Variants in KIF4A observed in about 807,000 individuals in gnomAD.
KIF4A encodes kinesin family member 4A, also known as chromosome-associated kinesin KIF4A.
Under a neutral mutation model 105.9 loss-of-function variants are expected in KIF4A, and 7 were observed. That is an observed-to-expected ratio of 0.07 (90% CI 0.04 to 0.12). The LOEUF is 0.12. Ranked by LOEUF, KIF4A falls within the 10% of genes least tolerant of loss-of-function variation. The pLI is 1.00. For synonymous variants in KIF4A, 281 were observed against 331.3 expected (o/e 0.85, Z 1.65); for missense variants, 558 against 929.2 (o/e 0.60, Z 5.19).
At position 70,395,697 on chromosome X, in the gene KIF4A, T is replaced by C; in HGVS notation, c.2259T>C (p.Val753=). The C allele has an allele frequency of 1.7e-6, 2 of 1,211,036 alleles. No homozygotes were observed. The highest frequency in any genetic ancestry group is 2.2e-6 in the Non-Finnish European group (2 of 895,322). Residue 753 remains valine (V), a synonymous_variant, in exon 21 of 31, where the codon GTT becomes GTC. Coordinates refer to ENST00000374403, the MANE Select transcript of KIF4A (RefSeq NM_012310.5). ...ATTGGCTTGGAAACGAAATTGAGGT[T>C]ATGGTCAGTACTGAGGAAGCCAAAC... ...VKNWLGNEIE[V]MVSTEEAKRH...
chrX:70,317,378 G>A (rs2085873325), intron 7 of KIF4A, among the ~76,000 whole-genome samples: 1 of 110,604 alleles, frequency 9.0e-6, no homozygotes, highest in Non-Finnish European at 1.9e-5. Flanking sequence ...GTTATGTCAT[G>A]TATCTAGTTT....
intron 20 of KIF4A, among the ~76,000 whole-genome samples, chrX:70,395,044 A>C (rs1468763042): frequency 4.5e-5 from 5 of 112,165 alleles, no homozygotes. Flanking sequence ...CCAGCAGTTC[A>C]AGACCAGCCT....
At chrX:70,324,410 G>T (rs1240877417) in intron 7 of KIF4A, among the ~76,000 whole-genome samples, 1 of 112,033 alleles carries the variant, frequency 8.9e-6, no homozygotes, top group Non-Finnish European at 1.9e-5. Context: ...CTGTTGTCTG[G>T]CTAGAAGAAT....
chrX:70,298,249 T>C (rs889964678), intron 4 of KIF4A, among the ~76,000 whole-genome samples: 2 of 110,958 alleles, frequency 1.8e-5, no homozygotes, highest in African/African-American at 6.5e-5. Context: ...TTTATTTCTT[T>C]TGAGAAAGAG....
chrX:70,366,142 C>T (rs1380088971), intron 15 of KIF4A, among the ~76,000 whole-genome samples: 3 of 111,417 alleles, frequency 2.7e-5, no homozygotes, highest in African/African-American at 3.3e-5. Flanking sequence ...TCTCTCTTTT[C>T]TTCTTTATTA....
intron 9 of KIF4A, 46 bp downstream of exon 9, chrX:70,330,378 G>A: frequency 9.3e-7 from 1 of 1,073,527 alleles, no homozygotes; most frequent in Non-Finnish European, 1.3e-6. Context: ...AAGTATGTGA[G>A]TGGAATGATA....
intron 20 of KIF4A, among the ~76,000 whole-genome samples, chrX:70,393,824 TC>T (rs1267649668): frequency 0.061 from 456 of 7,500 alleles, 53 homozygotes; most frequent in African/African-American, 0.074. Flanking sequence ...TTTCTTTCTT[TC>T]TTTCTTTCTT....
intron 3 of KIF4A, among the ~76,000 whole-genome samples, chrX:70,291,965 C>G (rs1344181725): frequency 9.0e-6 from 1 of 111,645 alleles, no homozygotes; most frequent in Non-Finnish European, 1.9e-5. Context: ...TATTTTTTCA[C>G]GTTTTTTTGT....
intron 13 of KIF4A, among the ~76,000 whole-genome samples, chrX:70,350,145 G>C (rs1241776312): frequency 9.2e-6 from 1 of 108,992 alleles, no homozygotes; most frequent in Admixed American, 9.9e-5. Context: ...TGGCTGGGAG[G>C]TGGAGGTTGT....
At chrX:70,382,330 C>G (rs760830301) in intron 18 of KIF4A, among the ~76,000 whole-genome samples, 1 of 112,092 alleles carries the variant, frequency 8.9e-6, no homozygotes, top group Admixed American at 9.5e-5. Context: ...ACTCTGGAAG[C>G]TGAGGCAGGA....
chrX:70,369,570 C>A (rs1243366276), intron 15 of KIF4A, among the ~76,000 whole-genome samples: 2 of 111,755 alleles, frequency 1.8e-5, no homozygotes, highest in African/African-American at 6.5e-5. Context: ...ATCCTCATGA[C>A]TCTGTAATTC....
At chrX:70,366,583 G>A (rs2086104488) in intron 15 of KIF4A, among the ~76,000 whole-genome samples, 1 of 112,200 alleles carries the variant, frequency 8.9e-6, no homozygotes, top group Non-Finnish European at 1.9e-5. Context: ...TTAATCCTGA[G>A]TTCTAATTTG....
At chrX:70,371,451 C>T (rs1046033719) in intron 15 of KIF4A, among the ~76,000 whole-genome samples, 6 of 112,128 alleles carry the variant, frequency 5.4e-5, no homozygotes, top group African/African-American at 1.9e-4. Flanking sequence ...TCCACAAAAC[C>T]GCCATTGTCA....
At chrX:70,311,892 T>C (rs907636321) in intron 7 of KIF4A, among the ~76,000 whole-genome samples, 19 of 106,888 alleles carry the variant, frequency 1.8e-4, no homozygotes, top group African/African-American at 5.1e-4. Context: ...AGTTTGAGAC[T>C]GTGGTGAGCT....
intron 4 of KIF4A, among the ~76,000 whole-genome samples, chrX:70,298,845 T>C (rs2085793910): frequency 8.9e-6 from 1 of 112,479 alleles, no homozygotes; most frequent in Non-Finnish European, 1.9e-5. Context: ...TAACTTTTCA[T>C]GTGTCTGCTG....
intron 7 of KIF4A, among the ~76,000 whole-genome samples, chrX:70,303,937 T>TTTA (rs552101158): frequency 0.1 from 10,862 of 104,080 alleles, 576 homozygotes; most frequent in East Asian, 0.23. Context: ...TTTATTTTAT[T>TTTA]TTATTATTAT....
intron 26 of KIF4A, 131 bp downstream of exon 26, chrX:70,406,036 CAT>C: frequency 1.8e-6 from 1 of 545,049 alleles, no homozygotes; most frequent in East Asian, 3.5e-5. Context: ...TTCCATGTGA[CAT>C]ATGCATTTCA....
intron 7 of KIF4A, among the ~76,000 whole-genome samples, chrX:70,302,724 C>CT (rs1325166955): frequency 1.8e-5 from 2 of 111,566 alleles, no homozygotes; most frequent in African/African-American, 6.5e-5. Context: ...ATTCACCATC[C>CT]CTTCCAGATG....
At chrX:70,416,103 A>C (rs2086343022) in intron 28 of KIF4A, among the ~76,000 whole-genome samples, 1 of 109,598 alleles carries the variant, frequency 9.1e-6, no homozygotes. Flanking sequence ...CTGACCTCAG[A>C]TGATCTGCCC....
Sources: allele counts gnomAD v4.1 joint callset (sites outside exome capture counted in the v4.1 genomes callset), GRCh38; gene constraint gnomAD v4.1.1; transcripts MANE v1.5; gene names NCBI Gene and HGNC (gene_info 2026-07-23, HGNC 2026-07-21).